Variants in TACC2 observed in about 807,000 individuals in gnomAD.
TACC2 encodes transforming acidic coiled-coil-containing protein 2.
A neutral mutation model predicts 227.3 loss-of-function variants in TACC2; 137 were observed. The observed-to-expected ratio is 0.60, with a 90% CI of 0.52 to 0.69. TACC2 has a LOEUF of 0.69. Ranked by LOEUF, TACC2 falls within the 30% of genes least tolerant of loss-of-function variation. The pLI is 0.00. For synonymous variants in TACC2, 1,523 were observed against 1,487.5 expected (o/e 1.02, Z -0.55); for missense variants, 3,470 against 3,694.4 (o/e 0.94, Z 1.57).
intron 3 of TACC2, among the ~76,000 whole-genome samples, chr10:122,072,945 C>G (rs1056535595): frequency 4.6e-5 from 7 of 151,320 alleles, no homozygotes; most frequent in Non-Finnish European, 7.4e-5. Context: ...AACCCTGACT[C>G]TACTAAAAAT....
intron 7 of TACC2, among the ~76,000 whole-genome samples, chr10:122,153,243 G>A (rs1565448389): frequency 1.3e-5 from 2 of 152,064 alleles, no homozygotes; most frequent in African/African-American, 2.4e-5. Flanking sequence ...TGATCCTCTC[G>A]CCTCCCAAAG....
intron 7 of TACC2, among the ~76,000 whole-genome samples, chr10:122,157,883 A>G (rs1386431237): frequency 6.6e-6 from 1 of 151,964 alleles, no homozygotes; most frequent in African/African-American, 2.4e-5. Flanking sequence ...AGAAAGAAAG[A>G]TTTTGAGGAT....
chr10:122,083,669 G>C lies in TACC2; in HGVS notation c.1169G>C (p.Cys390Ser), dbSNP rs1461837076. ...GGAACCAAGCCCAATCAAGTTGTCT[G>C]TGTGGCAGCAGGCGGCCAGCCCGAA... Reference protein sequence around the residue: ...MRGTKPNQVVCVAAGGQPEGG... With the variant: ...MRGTKPNQVVSVAAGGQPEGG... The change falls in exon 4 of 23, where the codon TGT becomes TCT. Residue 390 changes from cysteine (C) to serine (S), a missense_variant. Transcript: ENST00000369005. The C allele has an allele frequency of 6.2e-7, 1 of 1,611,904 alleles. No homozygotes were observed. Among genetic ancestry groups the C allele is most frequent in the Non-Finnish European group, 8.5e-7 (1 of 1,180,030 alleles).
chr10:122,224,598 C>G, intron 11 of TACC2, 128 bp from the exon 12 acceptor site: 1 of 751,796 alleles, frequency 1.3e-6, no homozygotes. Context: ...AGACAGTGGG[C>G]ACCGTCAGAA....
rs1404743066 is a variant in TACC2 at position 122,141,697 on chromosome 10, C to G, written c.5700-1875C>G. ...GGTAGCATCTCCCCCCCACCCGCCA[C>G]TGTTTTCTAAGACAGAGATCCTTCC... On this transcript the variant is annotated intron_variant, in intron 6 of 22. Coordinates refer to ENST00000369005, the MANE Select transcript of TACC2 (RefSeq NM_206862.4). The surrounding 1 kb of genome is among the most constrained non-coding windows in gnomAD (Gnocchi z 4.3). Among the ~76,000 whole-genome samples the G allele has an allele frequency of 6.6e-6, 1 of 152,178 alleles. No individual in the cohort carries two copies. The highest frequency in any genetic ancestry group is 6.5e-5 in the Admixed American group (1 of 15,280).
intron 2 of TACC2, among the ~76,000 whole-genome samples, chr10:122,049,203 T>A (rs988630008): frequency 5.9e-5 from 9 of 152,216 alleles, no homozygotes; most frequent in Admixed American, 5.2e-4. Context: ...GGCCTCATCA[T>A]AGAGCTCCCA....
In TACC2 at chr10:122,082,978, A is replaced by G. The variant is rs1403948166; in HGVS notation, c.478A>G (p.Ser160Gly). The change falls in exon 4 of 23, where the codon AGC (serine) becomes GGC (glycine). Residue 160 changes from serine to glycine, a missense_variant. By Grantham distance (56) the Ser-to-Gly change is moderately conservative. This residue lies in a region of TACC2 where 405 missense variants were observed against 389.6 expected (regional missense o/e 1.04). Coordinates refer to ENST00000369005, the MANE Select transcript of TACC2 (RefSeq NM_206862.4). ...IAAAFPAERD[S>G]STPYQEIAAV... is the part of the protein sequence containing the mutation. ...GGCGGCATTTCCCGCTGAGAGGGACAGCTCTACTCCATACCAAGAGATTGC... is the reference window on the plus strand; with the variant it reads ...GGCGGCATTTCCCGCTGAGAGGGACGGCTCTACTCCATACCAAGAGATTGC... 1 of 1,612,804 alleles carries G rather than the reference A, an allele frequency of 6.2e-7. No individual in the cohort carries two copies. Among genetic ancestry groups the G allele is most frequent in the South Asian group, 1.1e-5 (1 of 91,082 alleles).
At chr10:122,163,669 A>C in intron 7 of TACC2, 1 of 1,040,844 alleles carries the variant, frequency 9.6e-7, no homozygotes, top group South Asian at 4.6e-5. Flanking sequence ...AGAGCCGCGC[A>C]CGCCGGCCAC....
chr10:122,139,105 G>C lies in TACC2; in HGVS notation c.5700-4467G>C, dbSNP rs190962512. Among the ~76,000 whole-genome samples the C allele has an allele frequency of 1.2e-4, 19 of 152,274 alleles. No homozygotes were observed. The East Asian group carries it at 3.5e-3, about 28-fold the overall frequency. ...GACCAAAGCCTCGCCTATGGTTTTGGGATGGTGTTTATCACTTTTCCCTTG... is the reference window on the plus strand; with the variant it reads ...GACCAAAGCCTCGCCTATGGTTTTGCGATGGTGTTTATCACTTTTCCCTTG... On this transcript the variant is annotated intron_variant, in intron 6 of 22. Transcript: ENST00000369005.
At chr10:122,152,872 G>C (rs1411191559) in intron 7 of TACC2, among the ~76,000 whole-genome samples, 2 of 152,166 alleles carry the variant, frequency 1.3e-5, no homozygotes, top group Non-Finnish European at 2.9e-5. Context: ...TTAGGTTTCA[G>C]GTTCTCCCTG....
At chr10:122,014,299 T>C (rs558451377) in intron 1 of TACC2, among the ~76,000 whole-genome samples, 1 of 151,454 alleles carries the variant, frequency 6.6e-6, no homozygotes, top group African/African-American at 2.4e-5. Context: ...AACCTCCGCC[T>C]AGCGAGTTCA....
In TACC2 at chr10:122,085,840, C is replaced by G; in HGVS notation, c.3340C>G (p.Leu1114Val). 6.2e-7 allele frequency: 1 copy of G among 1,613,058 alleles called. No homozygotes were observed. Among genetic ancestry groups the G allele is most frequent in the East Asian group, 2.2e-5 (1 of 44,858 alleles). The change falls in exon 4 of 23, where the codon CTT becomes GTT. Residue 1114 changes from leucine to valine, a missense_variant. Leu to Val is a conservative substitution (Grantham distance 32). Transcript: ENST00000369005. ...ATSDAESPKL[L>V]ASFPSAGEQG... Reference sequence around the variant, plus strand: ...TTCGGATGCAGAGTCCCCAAAGCTTCTTGCAAGTTTCCCATCAGCTGGGGA... The same window carrying G: ...TTCGGATGCAGAGTCCCCAAAGCTTGTTGCAAGTTTCCCATCAGCTGGGGA...
At chr10:122,229,724 G>T (rs1454922015) in intron 15 of TACC2, among the ~76,000 whole-genome samples, 1 of 152,056 alleles carries the variant, frequency 6.6e-6, no homozygotes, top group Admixed American at 6.6e-5. Context: ...TACAAACTGG[G>T]CCCAAATAGT....
intron 2 of TACC2, among the ~76,000 whole-genome samples, chr10:122,048,112 G>A (rs1435699409): frequency 1.3e-5 from 2 of 152,170 alleles, no homozygotes; most frequent in African/African-American, 4.8e-5. Context: ...CCCAGGTGCA[G>A]ACTAGGCAGA....
intron 7 of TACC2, among the ~76,000 whole-genome samples, chr10:122,160,228 C>T (rs1390627221): frequency 6.6e-6 from 1 of 152,132 alleles, no homozygotes; most frequent in African/African-American, 2.4e-5. Flanking sequence ...TTGGGGACGT[C>T]AGTAGGAAGG....
At chr10:122,005,237 A>G (rs1954925189) in intron 1 of TACC2, among the ~76,000 whole-genome samples, 1 of 151,820 alleles carries the variant, frequency 6.6e-6, no homozygotes, top group African/African-American at 2.4e-5. Context: ...ATCCACCACC[A>G]TGCCCCACTA....
chr10:122,179,324 C>A (rs184870490), intron 7 of TACC2, among the ~76,000 whole-genome samples: 2 of 152,306 alleles, frequency 1.3e-5, no homozygotes, highest in East Asian at 3.9e-4. Context: ...GTATTTAAAC[C>A]ACTGATTATG....
In TACC2 at chr10:122,151,506, G is replaced by A. The variant is rs187008327; in HGVS notation, c.5834+7800G>A. On this transcript the variant is annotated intron_variant, in intron 7 of 22. Coordinates refer to ENST00000369005, the MANE Select transcript of TACC2 (RefSeq NM_206862.4). ...ACGGCGGTCTCAGACAGAGCAGCAG[G>A]GTGAGCAGCCAAGGTGGCCATGGTC... 3.2e-4 allele frequency among the ~76,000 whole-genome samples: 49 copies of A among 152,252 alleles called. 1 individual carries two copies. The East Asian group carries it at 8.1e-3, about 25-fold the overall frequency.
intron 7 of TACC2, among the ~76,000 whole-genome samples, chr10:122,154,291 T>C (rs536439756): frequency 3.9e-5 from 6 of 152,342 alleles, no homozygotes; most frequent in African/African-American, 1.4e-4. Flanking sequence ...TACTGGGGCA[T>C]GGGTGTGTGT....
Sources: allele counts gnomAD v4.1 joint callset (sites outside exome capture counted in the v4.1 genomes callset), GRCh38; gene constraint gnomAD v4.1.1; regional missense constraint gnomAD v4.1.1; non-coding constraint Gnocchi (gnomAD v3.1); transcripts MANE v1.5; gene names NCBI Gene and HGNC (gene_info 2026-07-23, HGNC 2026-07-21).